Variants in ALK observed in about 807,000 individuals in gnomAD.
ALK encodes the protein ALK receptor tyrosine kinase, also known as ALK tyrosine kinase receptor.
Under a neutral mutation model 163.1 loss-of-function variants are expected in ALK, and 74 were observed. The ratio of observed to expected loss-of-function variants is 0.45; its 90% CI spans 0.38 to 0.55. The LOEUF is 0.55. Among genes scored for constraint, ALK ranks in the 20% least tolerant of loss-of-function variants. ALK has a pLI of 0.00. For synonymous variants in ALK, 960 were observed against 843.2 expected, an observed-to-expected ratio of 1.14 and a Z score of -2.40; for missense variants, 2,063 against 2,105.3, an observed-to-expected ratio of 0.98 and a Z score of 0.39.
chr2:29,771,549 T>TG (rs1319615505), intron 1 of ALK, among the ~76,000 whole-genome samples: 3 of 151,122 alleles, frequency 2.0e-5, no homozygotes, highest in African/African-American at 7.3e-5. Flanking sequence ...TTTTTTGGGT[T>TG]GGGGGAGCTG....
chr2:29,445,467 TCA>T (rs1670649170), intron 4 of ALK, among the ~76,000 whole-genome samples: 1 of 152,204 alleles, frequency 6.6e-6, no homozygotes, highest in African/African-American at 2.4e-5. Context: ...GGGGGTTCCC[TCA>T]CATCGCTTCC....
chr2:29,436,985 T>C (rs1670417335), intron 4 of ALK, among the ~76,000 whole-genome samples: 3 of 152,148 alleles, frequency 2.0e-5, no homozygotes, highest in Non-Finnish European at 4.4e-5. Context: ...AGGTCAAATC[T>C]ACAACCAGTC....
intron 1 of ALK, among the ~76,000 whole-genome samples, chr2:29,782,706 G>A (rs1406509442): frequency 2.0e-5 from 3 of 152,116 alleles, no homozygotes; most frequent in Non-Finnish European, 4.4e-5. Context: ...TAACCATTTC[G>A]AGCAGTTAGG....
intron 1 of ALK, among the ~76,000 whole-genome samples, chr2:29,893,455 G>A (rs1228812326): frequency 6.6e-6 from 1 of 152,088 alleles, no homozygotes; most frequent in Non-Finnish European, 1.5e-5. Context: ...AAGGGCCAGG[G>A]AAACTATAAA....
At chr2:29,691,885 G>T (rs1308888216) in intron 3 of ALK, among the ~76,000 whole-genome samples, 2 of 152,068 alleles carry the variant, frequency 1.3e-5, no homozygotes. Flanking sequence ...AATTTACAAA[G>T]AACACAATTT....
intron 5 of ALK, among the ~76,000 whole-genome samples, chr2:29,359,007 G>T (rs1558692078): frequency 6.6e-6 from 1 of 151,952 alleles, no homozygotes; most frequent in Admixed American, 6.5e-5. Flanking sequence ...GAGATCAGCT[G>T]TACAACATTA....
At chr2:29,764,447 C>G (rs571764827) in intron 1 of ALK, among the ~76,000 whole-genome samples, 1 of 152,188 alleles carries the variant, frequency 6.6e-6, no homozygotes. Flanking sequence ...TATCAGTGAA[C>G]GTCCCAAATC....
At chr2:29,718,627 CT>C (rs762272715) in intron 1 of ALK, among the ~76,000 whole-genome samples, 9 of 152,340 alleles carry the variant, frequency 5.9e-5, no homozygotes, top group Non-Finnish European at 1.3e-4. Flanking sequence ...ATGCTGGACT[CT>C]TTACCTACAT....
intron 4 of ALK, among the ~76,000 whole-genome samples, chr2:29,489,644 T>G (rs532880901): frequency 6.6e-6 from 1 of 152,156 alleles, no homozygotes; most frequent in Non-Finnish European, 1.5e-5. Context: ...CTGCCCCAAA[T>G]AGCAAAGCAT....
intron 1 of ALK, among the ~76,000 whole-genome samples, chr2:29,762,091 A>G (rs1277769786): frequency 6.6e-6 from 1 of 152,244 alleles, no homozygotes; most frequent in African/African-American, 2.4e-5. Context: ...TGCCTTTGAC[A>G]TTAAATCCAG....
intron 1 of ALK, among the ~76,000 whole-genome samples, chr2:29,880,600 C>T (rs1423022624): frequency 5.9e-5 from 9 of 152,144 alleles, no homozygotes; most frequent in Non-Finnish European, 4.4e-5. Flanking sequence ...ATTTTCAGTG[C>T]TGAAAGAATA....
rs139542513 is a variant in ALK at position 29,232,565 on chromosome 2, C to T, written c.2488-117G>A. On this transcript the variant is annotated intron_variant, in intron 14 of 28. Coordinates refer to ENST00000389048, the MANE Select transcript of ALK (RefSeq NM_004304.5). ...TTGCTGTTTTGGGGTGACCTGGTGA[C>T]CTCTCAGTGGTCTGAGGTGGTTTGC... 147 of 1,404,516 alleles carry T rather than the reference C, an allele frequency of 1.0e-4. No homozygotes were observed. The African/African-American group carries it at 1.9e-3, about 18-fold the overall frequency. The allele number at this position is 1,404,516 out of a possible 1,614,324, so 87.0% of individuals were successfully genotyped here.
intron 1 of ALK, among the ~76,000 whole-genome samples, chr2:29,913,398 G>T (rs2148438882): frequency 6.6e-6 from 1 of 152,198 alleles, no homozygotes; most frequent in African/African-American, 2.4e-5. Context: ...CTCACCACCA[G>T]GCCAACACTC....
At chr2:29,799,924 T>A (rs1480569407) in intron 1 of ALK, among the ~76,000 whole-genome samples, 1 of 152,228 alleles carries the variant, frequency 6.6e-6, no homozygotes, top group East Asian at 1.9e-4. Flanking sequence ...CATTCATCTA[T>A]TCATTCAGCA....
chr2:29,702,441 G>T (rs192777407), intron 2 of ALK, among the ~76,000 whole-genome samples: 1 of 152,100 alleles, frequency 6.6e-6, no homozygotes. Flanking sequence ...CTATAAAGTT[G>T]GGCCTGGGAT....
intron 5 of ALK, among the ~76,000 whole-genome samples, chr2:29,358,461 A>G (rs996910794): frequency 6.6e-6 from 1 of 152,226 alleles, no homozygotes; most frequent in Non-Finnish European, 1.5e-5. Flanking sequence ...GATTGGGCCT[A>G]TGGTTCAGTC....
At chr2:29,199,825 A>ACTAT (rs1314381743) in intron 26 of ALK, among the ~76,000 whole-genome samples, 4 of 152,238 alleles carry the variant, frequency 2.6e-5, no homozygotes, top group Non-Finnish European at 5.9e-5. Context: ...TTTGACAAAG[A>ACTAT]CTATCTTTTA....
At chr2:29,494,771 G>A (rs2148127249) in intron 4 of ALK, among the ~76,000 whole-genome samples, 1 of 152,136 alleles carries the variant, frequency 6.6e-6, no homozygotes, top group Non-Finnish European at 1.5e-5. Flanking sequence ...CCTCAAGGTT[G>A]GAGTCCCAGG....
chr2:29,406,912 A>T (rs1317021053), intron 4 of ALK, among the ~76,000 whole-genome samples: 2 of 151,526 alleles, frequency 1.3e-5, no homozygotes, highest in Middle Eastern at 3.4e-3. Flanking sequence ...AAAAAAAAAA[A>T]AAGTTACAAC....
Sources: gnomAD v4.1 joint callset for allele counts (sites outside exome capture counted in the v4.1 genomes callset) on GRCh38, gnomAD v4.1.1 for gene constraint, MANE v1.5 for transcripts, NCBI Gene and HGNC (gene_info 2026-07-23, HGNC 2026-07-21) for gene names.